The following SANBR variants were observed in gnomAD, a reference collection of about 807,000 sequenced individuals.
SANBR encodes SANT and BTB domain regulator of class switch recombination.
A neutral mutation model predicts 101.8 loss-of-function variants in SANBR; 77 were observed. That is an observed-to-expected ratio of 0.76 (90% CI 0.63 to 0.91). SANBR has a LOEUF of 0.91. SANBR is among the 40% of genes least tolerant of loss of function. The pLI is 0.00. For synonymous variants in SANBR, 279 were observed against 274.7 expected (o/e 1.02, Z -0.15); for missense variants, 875 against 853.0 (o/e 1.03, Z -0.32).
At chr2:61,070,702 TTATA>T (rs1439555783) in intron 3 of SANBR, among the ~76,000 whole-genome samples, 1 of 145,790 alleles carries the variant, frequency 6.9e-6, no homozygotes, top group African/African-American at 2.5e-5. Context: ...ATTTTATATA[TTATA>T]TATAGTATAT....
intron 16 of SANBR, among the ~76,000 whole-genome samples, chr2:61,114,229 T>C (rs1277381770): frequency 6.6e-6 from 1 of 152,096 alleles, no homozygotes; most frequent in Non-Finnish European, 1.5e-5. Flanking sequence ...CCCAGGAGAG[T>C]GCTGTAAAGA....
At chr2:61,126,019 G>A (rs548499535), downstream of SANBR, among the ~76,000 whole-genome samples, 11 of 152,290 alleles carry the variant, frequency 7.2e-5, no homozygotes, top group East Asian at 1.7e-3. Context: ...TGCACTTTCG[G>A]TAGTTTCAGG....
intron 6 of SANBR, 53 bp from the exon 7 acceptor site, chr2:61,081,399 G>C (rs971537977): frequency 6.5e-7 from 1 of 1,529,512 alleles, no homozygotes; most frequent in Non-Finnish European, 8.8e-7. Context: ...AGCCTGTTCA[G>C]AGGAGATTGG....
intron 7 of SANBR, 89 bp from the exon 8 acceptor site, chr2:61,083,065 C>A: frequency 1.9e-6 from 2 of 1,080,838 alleles, no homozygotes; most frequent in Non-Finnish European, 2.7e-6. Context: ...ATGGATTAGA[C>A]TTTTAATGAA....
chr2:61,079,184 C>G (rs565236874), intron 6 of SANBR, among the ~76,000 whole-genome samples: 1 of 152,130 alleles, frequency 6.6e-6, no homozygotes, highest in African/African-American at 2.4e-5. Context: ...ATACAACCCA[C>G]ATAAAGAAAA....
intron 8 of SANBR, 62 bp from the exon 9 acceptor site, chr2:61,088,097 T>TTTATTTTCATCACTATAAAGTAGTG (rs2104891263): frequency 2.3e-6 from 2 of 870,374 alleles, no homozygotes; most frequent in Non-Finnish European, 3.6e-6. Flanking sequence ...GATTGGTTTG[T>TTTATTTTCATCACTATAAAGTAGTG]TTATTTTCAT....
intron 5 of SANBR, chr2:61,075,037 G>T (rs1358762469): frequency 1.4e-5 from 2 of 146,546 alleles, no homozygotes; most frequent in South Asian, 4.3e-4. Flanking sequence ...GGCTCAAGCA[G>T]TCCTCCCACT....
At chr2:61,072,341 G>T (rs1026552027) in intron 4 of SANBR, among the ~76,000 whole-genome samples, 2 of 152,076 alleles carry the variant, frequency 1.3e-5, no homozygotes, top group African/African-American at 4.8e-5. Context: ...GGAGGTCAAG[G>T]TGGAAGGATC....
intron 11 of SANBR, among the ~76,000 whole-genome samples, chr2:61,094,746 C>T (rs1034993227): frequency 1.6e-4 from 24 of 148,744 alleles, no homozygotes; most frequent in Admixed American, 1.2e-3. Flanking sequence ...CAGGTTCAAG[C>T]GATTCTCCTG....
chr2:61,088,809 G>A (rs1021030601), intron 10 of SANBR: 19 of 966,940 alleles, frequency 2.0e-5, no homozygotes, highest in South Asian at 1.4e-4. Flanking sequence ...GTGAGCCACC[G>A]CTCCCAGCCC....
chr2:61,071,635 C>T lies in SANBR; in HGVS notation c.180C>T (p.Ser60=). ...ECAKRFDELK[S]SGSSPVDNQY... ...CAAAAAGGTTTGATGAATTAAAGAGCAGTGGAAGCTCGCCTGTTGACAACC... is the reference window on the plus strand; with the variant it reads ...CAAAAAGGTTTGATGAATTAAAGAGTAGTGGAAGCTCGCCTGTTGACAACC... Residue 60 remains serine, a synonymous_variant, in exon 4 of 22, where the codon AGC becomes AGT. Coordinates refer to ENST00000402291, the MANE Select transcript of SANBR (RefSeq NM_001129993.3). The T allele has an allele frequency of 1.3e-6, 2 of 1,571,782 alleles. No homozygotes were observed. The highest frequency in any genetic ancestry group is 1.4e-5 in the African/African-American group (1 of 71,786).
At chr2:61,109,105 A>T in intron 15 of SANBR, 92 bp from the exon 16 acceptor site, 1 of 582,044 alleles carries the variant, frequency 1.7e-6, no homozygotes, top group Non-Finnish European at 2.8e-6. Flanking sequence ...TGATTGACTG[A>T]TTCATTCAAA....
intron 20 of SANBR, among the ~76,000 whole-genome samples, chr2:61,118,723 G>A (rs1449318412): frequency 2.7e-5 from 4 of 150,418 alleles, no homozygotes; most frequent in South Asian, 2.1e-4. Flanking sequence ...CACCATGCCC[G>A]GCTAATTTTT....
chr2:61,130,802 G>A (rs563754939), intron 20 of SANBR, among the ~76,000 whole-genome samples: 2 of 151,132 alleles, frequency 1.3e-5, no homozygotes, highest in South Asian at 2.1e-4. Flanking sequence ...CAAAAATTAG[G>A]AGTGGTGGCA....
At chr2:61,130,901 G>A (rs1684666677) in intron 20 of SANBR, among the ~76,000 whole-genome samples, 1 of 121,260 alleles carries the variant, frequency 8.2e-6, no homozygotes, top group Non-Finnish European at 1.6e-5. Context: ...TTGCACTCCA[G>A]TCTGGGTGAC....
In SANBR at chr2:61,106,593, G is replaced by T; in HGVS notation, c.1542G>T (p.Lys514Asn). Residue 514 changes from lysine to asparagine, a missense_variant, in exon 14 of 22, where the codon AAG becomes AAT. Coordinates refer to ENST00000402291, the MANE Select transcript of SANBR (RefSeq NM_001129993.3). ...SDVGVGLCDEKGIECDVLLEP... is the reference protein window; with the variant it reads ...SDVGVGLCDENGIECDVLLEP... Reference sequence around the variant, plus strand: ...TTGGGGTTGGCCTCTGTGATGAAAAGGGTATAGAATGTGATGTTTTACTGG... The same window carrying T: ...TTGGGGTTGGCCTCTGTGATGAAAATGGTATAGAATGTGATGTTTTACTGG... The T allele has an allele frequency of 6.2e-7, 1 of 1,602,322 alleles. No homozygotes were observed. Among genetic ancestry groups the T allele is most frequent in the South Asian group, 1.1e-5 (1 of 87,590 alleles).
Position 61,123,588 on chromosome 2 carries a change from T to G in SANBR, c.*1426T>G. ...TAAGTACTCTGTTAAATACCAGAGT[T>G]TTTTTTGTAGTTTACTGTGTTTTCT... On this transcript the variant is annotated 3_prime_UTR_variant, in exon 22 of 22. Transcript: ENST00000402291. 3 of 979,828 alleles carry G rather than the reference T, an allele frequency of 3.1e-6. No individual in the cohort carries two copies. The highest frequency in any genetic ancestry group is 3.6e-6 in the Non-Finnish European group (3 of 824,760). 60.7% of individuals were successfully genotyped at this position (979,828 alleles called of 1,614,324 possible). A position where few individuals can be genotyped will look rare whatever the true frequency, so the allele number is the denominator to read the frequency against.
chr2:61,133,671 G>A (rs1171475947), intron 20 of SANBR, among the ~76,000 whole-genome samples: 1 of 152,170 alleles, frequency 6.6e-6, no homozygotes, highest in East Asian at 1.9e-4. Context: ...CATGCTATGT[G>A]AAAGAAGACA....
At chr2:61,089,998 C>T (rs1219155410) in intron 10 of SANBR, among the ~76,000 whole-genome samples, 3 of 152,036 alleles carry the variant, frequency 2.0e-5, no homozygotes, top group Admixed American at 6.6e-5. Context: ...CAGACCCCAT[C>T]TCTACAAAAA....
Sources: allele counts gnomAD v4.1 joint callset (sites outside exome capture counted in the v4.1 genomes callset), GRCh38; gene constraint gnomAD v4.1.1; transcripts MANE v1.5; gene names NCBI Gene and HGNC (gene_info 2026-07-23, HGNC 2026-07-21).